The following SLC8A1 variants were observed in gnomAD, a reference collection of about 807,000 sequenced individuals.
The protein encoded by SLC8A1 is sodium/calcium exchanger 1.
A neutral mutation model predicts 68.3 loss-of-function variants in SLC8A1; 18 were observed. That is an observed-to-expected ratio of 0.26 (90% confidence interval 0.18 to 0.39). SLC8A1 has a LOEUF of 0.39. SLC8A1 is among the 10% of genes least tolerant of loss of function. The pLI is 1.00. For missense variants in SLC8A1, 985 were observed against 1,156.7 expected (o/e 0.85, Z 2.15); for synonymous variants, 475 against 415.5 (o/e 1.14, Z -1.74).
intron 2 of SLC8A1, among the ~76,000 whole-genome samples, chr2:40,331,988 C>T (rs1420251643): frequency 5.9e-5 from 9 of 151,886 alleles, no homozygotes; most frequent in South Asian, 4.2e-4. Context: ...GAGCTATGAT[C>T]GCACTGTCTG....
At chr2:40,354,766 C>G in intron 2 of SLC8A1, among the ~76,000 whole-genome samples, 1 of 152,108 alleles carries the variant, frequency 6.6e-6, no homozygotes, top group East Asian at 1.9e-4. Flanking sequence ...GGAAAAAGTT[C>G]TCACATTTGA....
intron 1 of SLC8A1, among the ~76,000 whole-genome samples, chr2:40,469,243 T>C (rs930777112): frequency 6.6e-6 from 1 of 152,164 alleles, no homozygotes; most frequent in Non-Finnish European, 1.5e-5. Context: ...GGAATTGTAA[T>C]ACCTACATGT....
At chr2:40,147,655 C>CTGTT (rs1256925367) in intron 6 of SLC8A1, among the ~76,000 whole-genome samples, 1 of 152,176 alleles carries the variant, frequency 6.6e-6, no homozygotes, top group Admixed American at 6.6e-5. Context: ...CGTGAAGCAA[C>CTGTT]TGTTTGGGCA....
At chr2:40,443,801 C>G (rs546108792) in intron 1 of SLC8A1, among the ~76,000 whole-genome samples, 2 of 152,198 alleles carry the variant, frequency 1.3e-5, no homozygotes, top group African/African-American at 4.8e-5. Flanking sequence ...TAACAATCTG[C>G]AGCTGTGATA....
At chr2:40,290,670 T>C (rs2069146408) in intron 2 of SLC8A1, among the ~76,000 whole-genome samples, 1 of 152,180 alleles carries the variant, frequency 6.6e-6, no homozygotes. Flanking sequence ...AGTATTTTAT[T>C]TGCCAGAGGT....
exon 2 of SLC8A1, chr2:40,429,139 C>T: frequency 6.2e-7 from 1 of 1,613,074 alleles, no homozygotes; most frequent in Admixed American, 1.7e-5. Context: ...AGCTGCATGC[C>T]TCTTTAAAAT....
At chr2:40,503,069 G>T (rs1706145338) in intron 1 of SLC8A1, among the ~76,000 whole-genome samples, 3 of 151,904 alleles carry the variant, frequency 2.0e-5, no homozygotes, top group Admixed American at 2.0e-4. Context: ...GGGTATATGG[G>T]TCAATTCCAT....
chr2:40,386,066 C>T (rs55661117), intron 2 of SLC8A1, among the ~76,000 whole-genome samples: 6,348 of 151,038 alleles, frequency 0.042, 445 homozygotes, highest in African/African-American at 0.1. Context: ...ATAAATGCTA[C>T]TATGTGTTTT....
In SLC8A1 at chr2:40,296,857, A is replaced by C. The variant is rs543551832; in HGVS notation, c.1809-119002T>G. Among the ~76,000 whole-genome samples the C allele has an allele frequency of 2.0e-5, 3 of 152,288 alleles. No homozygotes were observed. In the East Asian group the frequency reaches 5.8e-4, roughly 29 times the overall value. On this transcript the variant is annotated intron_variant, in intron 2 of 7. Coordinates refer to ENST00000406785, the Ensembl canonical transcript of SLC8A1. ...AATTAACCTATATTTTCACCCAGGT[A>C]GTTGACAAAGCATTGGATGCACCTA...
chr2:40,430,334 G>GA (rs1224345211), intron 1 of SLC8A1, 30 bp from the exon 2 acceptor site: 3 of 1,532,484 alleles, frequency 2.0e-6, no homozygotes, highest in Admixed American at 2.1e-5. Flanking sequence ...GGAGAGGGCA[G>GA]AAAAAAAGTC....
chr2:40,476,879 C>T (rs1225189094), intron 1 of SLC8A1, among the ~76,000 whole-genome samples: 3 of 152,128 alleles, frequency 2.0e-5, no homozygotes, highest in Non-Finnish European at 4.4e-5. Flanking sequence ...AATCAACTTT[C>T]AATAGTGAGT....
At chr2:40,256,469 C>T (rs922502311) in intron 2 of SLC8A1, among the ~76,000 whole-genome samples, 48 of 152,212 alleles carry the variant, frequency 3.2e-4, no homozygotes, top group African/African-American at 1.1e-3. Flanking sequence ...AAAAGACAGA[C>T]AGTCCTCTTT....
chr2:40,215,804 A>C (rs2057382342), intron 2 of SLC8A1, among the ~76,000 whole-genome samples: 1 of 151,888 alleles, frequency 6.6e-6, no homozygotes, highest in Non-Finnish European at 1.5e-5. Context: ...GTTAGCTACT[A>C]TTATTATTAT....
intron 4 of SLC8A1, among the ~76,000 whole-genome samples, chr2:40,172,160 T>TTCAA (rs2047611403): frequency 2.0e-5 from 3 of 152,214 alleles, no homozygotes; most frequent in Non-Finnish European, 4.4e-5. Flanking sequence ...CTTTAGGGCT[T>TTCAA]GAAGCTGCTT....
chr2:40,402,241 C>A (rs1055462429), intron 2 of SLC8A1, among the ~76,000 whole-genome samples: 5 of 152,164 alleles, frequency 3.3e-5, no homozygotes, highest in South Asian at 2.1e-4. Context: ...ACACTCCCAC[C>A]AGCACCATGA....
chr2:40,328,102 GAGTT>G, intron 2 of SLC8A1, among the ~76,000 whole-genome samples: 1 of 152,288 alleles, frequency 6.6e-6, no homozygotes, highest in Non-Finnish European at 1.5e-5. Flanking sequence ...AGAGGGTAAA[GAGTT>G]AGACTTTTGG....
At chr2:40,392,269 C>G (rs1023965503) in intron 2 of SLC8A1, among the ~76,000 whole-genome samples, 1 of 150,916 alleles carries the variant, frequency 6.6e-6, no homozygotes, top group African/African-American at 2.4e-5. Flanking sequence ...AGCAAGCAAG[C>G]AAGCAAGAAA....
intron 2 of SLC8A1, among the ~76,000 whole-genome samples, chr2:40,317,125 C>A (rs542501193): frequency 6.6e-6 from 1 of 151,946 alleles, no homozygotes; most frequent in Admixed American, 6.6e-5. Flanking sequence ...TAATATGTTA[C>A]TGAATAGTTC....
intron 2 of SLC8A1, among the ~76,000 whole-genome samples, chr2:40,236,037 G>A (rs1435058088): frequency 6.6e-6 from 1 of 152,022 alleles, no homozygotes; most frequent in Non-Finnish European, 1.5e-5. Context: ...GTCAATTTTG[G>A]AAGAGGTGTG....
Sources: gnomAD v4.1 joint callset for allele counts (sites outside exome capture counted in the v4.1 genomes callset) on GRCh38, gnomAD v4.1.1 for gene constraint, MANE v1.5 for transcripts, NCBI Gene and HGNC (gene_info 2026-07-23, HGNC 2026-07-21) for gene names.